The following SUPT3H variants were observed in gnomAD, a reference collection of about 807,000 sequenced individuals.
SUPT3H encodes SPT3 homolog, SAGA and STAGA complex component.
In SUPT3H, 44 loss-of-function variants were observed where a neutral mutation model predicts 44.3. The ratio of observed to expected loss-of-function variants is 0.99; its 90% CI spans 0.78 to 1.28. The LOEUF (loss-of-function observed/expected upper bound fraction) is 1.28. Ranked by LOEUF, SUPT3H falls within the 50% of genes most tolerant of loss-of-function variation. The pLI, the probability that SUPT3H is intolerant of heterozygous loss-of-function variation, is 0.00. For missense variants in SUPT3H, 380 were observed against 387.1 expected, an observed-to-expected ratio of 0.98 and a Z score of 0.15; for synonymous variants, 124 against 125.6, an observed-to-expected ratio of 0.99 and a Z score of 0.09.
At chr6:45,193,041 C>A (rs1324369448) in intron 2 of SUPT3H, among the ~76,000 whole-genome samples, 1 of 152,136 alleles carries the variant, frequency 6.6e-6, no homozygotes, top group Non-Finnish European at 1.5e-5. Context: ...ACAGAAACAG[C>A]ACCCATAGAG....
chr6:44,823,832 A>G (rs1341631253), downstream of SUPT3H, among the ~76,000 whole-genome samples: 1 of 151,958 alleles, frequency 6.6e-6, no homozygotes, highest in East Asian at 1.9e-4. Flanking sequence ...GCGTGGTGGC[A>G]GGCGCCTGTA....
chr6:45,042,336 T>C (rs1381077764), intron 3 of SUPT3H, among the ~76,000 whole-genome samples: 4 of 152,138 alleles, frequency 2.6e-5, no homozygotes, highest in East Asian at 3.9e-4. Flanking sequence ...GGCAGGAGAA[T>C]TGCTTGAGCC....
chr6:44,911,503 C>T (rs1158043569), intron 10 of SUPT3H, among the ~76,000 whole-genome samples: 1 of 152,170 alleles, frequency 6.6e-6, no homozygotes, highest in Non-Finnish European at 1.5e-5. Flanking sequence ...TATACCTTTT[C>T]TTTTGTCAGC....
At chr6:44,913,466 T>A (rs1767359728) in intron 10 of SUPT3H, among the ~76,000 whole-genome samples, 2 of 152,128 alleles carry the variant, frequency 1.3e-5, no homozygotes, top group South Asian at 4.1e-4. Flanking sequence ...CTTAACAGGA[T>A]GAGAGAAGGG....
chr6:45,176,234 G>A (rs535347900), intron 2 of SUPT3H, among the ~76,000 whole-genome samples: 12 of 151,878 alleles, frequency 7.9e-5, no homozygotes, highest in East Asian at 5.8e-4. Context: ...TGCGCGAGCC[G>A]AAGCAGGGCG....
chr6:44,908,030 T>C (rs960413095), intron 10 of SUPT3H, among the ~76,000 whole-genome samples: 6 of 152,166 alleles, frequency 3.9e-5, no homozygotes, highest in Admixed American at 3.9e-4. Flanking sequence ...CCAAAACTGC[T>C]GAAATCCATT....
chr6:45,005,649 C>T (rs938726581), intron 5 of SUPT3H, among the ~76,000 whole-genome samples: 6 of 147,000 alleles, frequency 4.1e-5, no homozygotes, highest in Admixed American at 6.9e-5. Flanking sequence ...TGTGGTGAGC[C>T]GAGATTGCTC....
chr6:45,243,197 CAA>C (rs61643038), intron 2 of SUPT3H, among the ~76,000 whole-genome samples: 2 of 72,564 alleles, frequency 2.8e-5, no homozygotes, highest in Non-Finnish European at 4.4e-5. Context: ...GACTCCTTCT[CAA>C]AAAAAAAAAA....
intron 11 of SUPT3H, among the ~76,000 whole-genome samples, chr6:44,809,834 AT>A (rs1293218471): frequency 6.6e-6 from 1 of 152,196 alleles, no homozygotes; most frequent in Non-Finnish European, 1.5e-5. Flanking sequence ...CTCCCACTTA[AT>A]AGATGAGGAA....
chr6:45,129,422 A>G (rs1803058061), intron 2 of SUPT3H, among the ~76,000 whole-genome samples: 5 of 152,140 alleles, frequency 3.3e-5, no homozygotes, highest in Admixed American at 3.3e-4. Flanking sequence ...TCGCACAACA[A>G]ATTTCTAGTT....
At chr6:44,849,367 C>T (rs926817751) in intron 10 of SUPT3H, among the ~76,000 whole-genome samples, 2 of 149,800 alleles carry the variant, frequency 1.3e-5, no homozygotes, top group African/African-American at 4.9e-5. Context: ...GCTGGGACTA[C>T]AGGCGCCCGC....
chr6:45,219,670 C>T (rs1354676893), intron 2 of SUPT3H, among the ~76,000 whole-genome samples: 2 of 152,118 alleles, frequency 1.3e-5, no homozygotes, highest in Non-Finnish European at 2.9e-5. Flanking sequence ...AAACAATTAT[C>T]TAGGCCTAAT....
rs1778464612 is a variant in SUPT3H at position 45,283,038 on chromosome 6, G to C, written c.101+82163C>G. Among the ~76,000 whole-genome samples, 4 of 152,138 alleles carry C rather than the reference G, an allele frequency of 2.6e-5. No individual in the cohort carries two copies. The South Asian group carries it at 8.3e-4, about 32-fold the overall frequency. ...TACTTTACAGGCAAGCAAATGCTGAGAGATTTTGTCACCACCAGGCCTGCC... is the reference window on the plus strand; with the variant it reads ...TACTTTACAGGCAAGCAAATGCTGACAGATTTTGTCACCACCAGGCCTGCC... On this transcript the variant is annotated intron_variant, in intron 2 of 10. Transcript: ENST00000371459.
At chr6:45,063,499 T>C in intron 3 of SUPT3H, among the ~76,000 whole-genome samples, 1 of 134,320 alleles carries the variant, frequency 7.4e-6, no homozygotes, top group Non-Finnish European at 1.6e-5. Flanking sequence ...CTTCAGACGA[T>C]CAAATTACTC....
intron 2 of SUPT3H, among the ~76,000 whole-genome samples, chr6:45,316,431 T>C (rs1211957855): frequency 2.0e-5 from 3 of 150,786 alleles, no homozygotes; most frequent in South Asian, 2.1e-4. Flanking sequence ...AAAAAAATAC[T>C]GTATCAAGCA....
Position 45,055,539 on chromosome 6 carries a change from T to C in SUPT3H, c.187-34907A>G, listed in dbSNP as rs1272159985. ...TAAAGCCAAATACAGCCAACTGATCTTCGACAAAACAAACAAAAACATAAA... is the reference window on the plus strand; with the variant it reads ...TAAAGCCAAATACAGCCAACTGATCCTCGACAAAACAAACAAAAACATAAA... On this transcript the variant is annotated intron_variant, in intron 3 of 10. Coordinates refer to ENST00000371459, the MANE Select transcript of SUPT3H (RefSeq NM_003599.4). 2.0e-5 allele frequency among the ~76,000 whole-genome samples: 3 copies of C among 152,232 alleles called. No individual in the cohort carries two copies. The East Asian group carries it at 5.8e-4, about 29-fold the overall frequency.
At chr6:45,198,179 G>C (rs1341098767) in intron 2 of SUPT3H, among the ~76,000 whole-genome samples, 3 of 150,760 alleles carry the variant, frequency 2.0e-5, no homozygotes, top group South Asian at 2.1e-4. Flanking sequence ...ATGAAAGCCA[G>C]GCAGGAACAA....
intron 2 of SUPT3H, among the ~76,000 whole-genome samples, chr6:45,284,858 A>G (rs1335864137): frequency 6.6e-6 from 1 of 152,220 alleles, no homozygotes; most frequent in Non-Finnish European, 1.5e-5. Context: ...ATACTGGCAA[A>G]CCGAATTCAG....
intron 2 of SUPT3H, among the ~76,000 whole-genome samples, chr6:45,141,210 C>T (rs1805121515): frequency 6.6e-6 from 1 of 151,684 alleles, no homozygotes; most frequent in Non-Finnish European, 1.5e-5. Flanking sequence ...TGTTGTGGCA[C>T]ATGCCTGTAA....
Sources: gnomAD v4.1 joint callset for allele counts (sites outside exome capture counted in the v4.1 genomes callset) on GRCh38, gnomAD v4.1.1 for gene constraint, MANE v1.5 for transcripts, NCBI Gene and HGNC (gene_info 2026-07-23, HGNC 2026-07-21) for gene names.